The following CIZ1 variants were observed in gnomAD, a reference collection of about 807,000 sequenced individuals.
CIZ1 encodes cip1-interacting zinc finger protein.
A neutral mutation model predicts 118.6 loss-of-function variants in CIZ1; 58 were observed. The ratio of observed to expected loss-of-function variants is 0.49; its 90% CI spans 0.40 to 0.61. The LOEUF is 0.61. CIZ1 is among the 20% of genes least tolerant of loss of function. The pLI is 0.00. For synonymous variants in CIZ1, 448 were observed against 443.4 expected (o/e 1.01, Z -0.13); for missense variants, 921 against 1,115.9 (o/e 0.83, Z 2.49).
At position 128,166,965 on chromosome 9, in the gene CIZ1, A is replaced by C. The variant is rs536128667; in HGVS notation, c.2366-85T>G. 2.7e-4 allele frequency: 435 copies of C among 1,607,652 alleles called. 1 individual carries two copies. Among genetic ancestry groups the C allele is most frequent in the South Asian group, 6.0e-4 (54 of 90,638 alleles). On this transcript the variant is annotated intron_variant, in intron 15 of 16. Coordinates refer to ENST00000372938, the MANE Select transcript of CIZ1 (RefSeq NM_001131016.2). This position sits in a 1 kb window ranked among gnomAD's most constrained non-coding sequence, Gnocchi z 4.4. Reference sequence around the variant, plus strand: ...CTCTCTAGGGGCCCATGTGCTCCCCAACCCTCTAGGCAGGGGCAGAAGAGA... The same window carrying C: ...CTCTCTAGGGGCCCATGTGCTCCCCCACCCTCTAGGCAGGGGCAGAAGAGA...
At chr9:128,176,528 G>A (rs889928266) in intron 10 of CIZ1, 53 bp from the exon 11 acceptor site, 47 of 1,575,462 alleles carry the variant, frequency 3.0e-5, no homozygotes, top group Non-Finnish European at 4.0e-5. Context: ...CAGAACAGTG[G>A]GCAAGGCTGG....
At chr9:128,190,637 A>G (rs1237875747) in intron 2 of CIZ1, 51 bp downstream of exon 2, 3 of 1,531,910 alleles carry the variant, frequency 2.0e-6, no homozygotes, top group Non-Finnish European at 1.8e-6. Context: ...GCTCCGAGAC[A>G]TGGGTCTGAG....
chr9:128,192,811 G>C (rs1441381714), upstream of CIZ1, among the ~76,000 whole-genome samples: 1 of 152,216 alleles, frequency 6.6e-6, no homozygotes, highest in Admixed American at 6.5e-5. Context: ...CCAAAGTGCT[G>C]GGATTACAGG....
At chr9:128,180,856 C>G (rs751016093) in intron 5 of CIZ1, 42 bp from the exon 6 acceptor site, 3 of 1,402,454 alleles carry the variant, frequency 2.1e-6, no homozygotes, top group Non-Finnish European at 3.0e-6. Context: ...AATACCCACC[C>G]CTATCAATAC....
chr9:128,174,848 G>T (rs1034615141), intron 11 of CIZ1, among the ~76,000 whole-genome samples: 1 of 152,164 alleles, frequency 6.6e-6, no homozygotes, highest in Non-Finnish European at 1.5e-5. Context: ...AGTACAGAGG[G>T]GGTTTCACCA....
intron 5 of CIZ1, among the ~76,000 whole-genome samples, chr9:128,182,420 C>T (rs1045493756): frequency 3.9e-5 from 6 of 152,180 alleles, no homozygotes; most frequent in Admixed American, 6.5e-5. Context: ...GGATTACAGG[C>T]GTGAGCCACC....
chr9:128,178,638 C>T, intron 8 of CIZ1, 71 bp downstream of exon 8: 6 of 1,582,952 alleles, frequency 3.8e-6, no homozygotes, highest in Non-Finnish European at 5.2e-6. Context: ...AGCACCCAGT[C>T]AGGGGAGGAA....
intron 5 of CIZ1, among the ~76,000 whole-genome samples, chr9:128,184,060 A>AC (rs1832038174): frequency 6.6e-6 from 1 of 152,170 alleles, no homozygotes; most frequent in Admixed American, 6.5e-5. Context: ...GAGCCACTGC[A>AC]CCCAGCAATT....
chr9:128,198,699 G>T (rs557805842), intron 1 of CIZ1, among the ~76,000 whole-genome samples: 1 of 152,208 alleles, frequency 6.6e-6, no homozygotes, highest in South Asian at 2.1e-4. Context: ...AGGTGTGGTG[G>T]TGAGTGCCTG....
chr9:128,166,320 G>A lies in CIZ1; in HGVS notation c.2574C>T (p.Ala858=). The A allele has an allele frequency of 7.6e-6, 12 of 1,568,944 alleles. No individual in the cohort carries two copies. The highest frequency in any genetic ancestry group is 1.0e-5 in the Non-Finnish European group (12 of 1,156,426). Residue 858 remains alanine (A), a synonymous_variant, in exon 17 of 17, where the codon GCC becomes GCT. Transcript: ENST00000372938. This position sits in a 1 kb window ranked among gnomAD's most constrained non-coding sequence, Gnocchi z 4.4. ...CAINARNALT[A]LFTSSGRPPS... is the part of the protein sequence containing the mutation. The stretch of plus-strand genomic sequence containing the variant: ...GTGGGCGGCCGCTGGAGGTGAACAG[G>A]GCTGTCAAAGCGTTCCGGGCGTTGA...
intron 10 of CIZ1, among the ~76,000 whole-genome samples, chr9:128,177,365 G>C (rs958216997): frequency 3.9e-5 from 6 of 152,130 alleles, no homozygotes; most frequent in African/African-American, 1.2e-4. Context: ...CTCCAACCTG[G>C]GAGGCAGAGT....
Position 128,166,607 on chromosome 9 carries a change from A to C in CIZ1, c.2487+152T>G. The C allele has an allele frequency of 9.0e-7, 1 of 1,110,536 alleles. No homozygotes were observed. Among genetic ancestry groups the C allele is most frequent in the Non-Finnish European group, 1.3e-6 (1 of 765,014 alleles). 68.8% of individuals were successfully genotyped at this position (1,110,536 alleles called of 1,614,324 possible). A position where few individuals can be genotyped will look rare whatever the true frequency, so the allele number is the denominator to read the frequency against. ...CCTTGAACAATAAGAGCCCAACCCCACCCCAGCTCTAATTCTCTCCCTGTT... is the reference window on the plus strand; with the variant it reads ...CCTTGAACAATAAGAGCCCAACCCCCCCCCAGCTCTAATTCTCTCCCTGTT... On this transcript the variant is annotated intron_variant, in intron 16 of 16. Transcript: ENST00000372938. The surrounding 1 kb of genome is among the most constrained non-coding windows in gnomAD (Gnocchi z 4.4).
intron 1 of CIZ1, chr9:128,197,369 C>T (rs45484393): frequency 5.3e-5 from 8 of 152,372 alleles, no homozygotes; most frequent in African/African-American, 1.7e-4. Context: ...AAGGTGGGCA[C>T]CCCCAGCAGA....
rs1252200658 is a variant in CIZ1 at position 128,179,072 on chromosome 9, C to T, written c.1135G>A (p.Val379Ile). The change falls in exon 8 of 17, where the codon GTA becomes ATA. Residue 379 changes from valine (V) to isoleucine (I), a missense_variant. Transcript: ENST00000372938. Reference sequence around the variant, plus strand: ...CCCTGTGAATGTGCCTGTGGCTGTACCTGTGGCTGCACCTGCTTCTGTGGC... The same window carrying T: ...CCCTGTGAATGTGCCTGTGGCTGTATCTGTGGCTGCACCTGCTTCTGTGGC... Reference protein sequence around the residue: ...AEPQKQVQPQVQPQAHSQGPR... With the variant: ...AEPQKQVQPQIQPQAHSQGPR... 1.2e-6 allele frequency: 2 copies of T among 1,613,526 alleles called. No individual in the cohort carries two copies. The highest frequency in any genetic ancestry group is 2.2e-5 in the East Asian group (1 of 44,896).
rs748567612 is a variant in CIZ1 at position 128,178,965 on chromosome 9, C to T, written c.1242G>A (p.Gln414=). 1 of 1,613,166 alleles carries T rather than the reference C, an allele frequency of 6.2e-7. No individual in the cohort carries two copies. Residue 414 remains glutamine, a synonymous_variant, in exon 8 of 17, where the codon CAG becomes CAA. Transcript: ENST00000372938. The part of the protein sequence containing the change: ...QPQVQPQAHS[Q]PPRQVQLQLQ... ...GCTGCAGCTGCACCTGCCTTGGGGG[C>T]TGTGAATGTGCCTGGGGCTGCACCT...
At chr9:128,190,298 A>C in intron 3 of CIZ1, 31 bp downstream of exon 3, 1 of 1,486,190 alleles carries the variant, frequency 6.7e-7, no homozygotes, top group South Asian at 1.1e-5. Flanking sequence ...CCACTAAAAG[A>C]GACTGAGAAG....
chr9:128,184,830 G>C (rs192755041), intron 5 of CIZ1, among the ~76,000 whole-genome samples: 15 of 152,044 alleles, frequency 9.9e-5, no homozygotes, highest in Middle Eastern at 3.4e-3. Flanking sequence ...ACCATGCCCG[G>C]CTACTTTTTT....
Position 128,176,487 on chromosome 9 carries a change from G to A in CIZ1, c.1819-12C>T. 6.2e-7 allele frequency: 1 copy of A among 1,611,476 alleles called. No homozygotes were observed. Among genetic ancestry groups the A allele is most frequent in the African/African-American group, 1.3e-5 (1 of 75,062 alleles). ...TGGTCCTGGAACTCCTGCAGCAGGA[G>A]GGAAAGAGGGATGGGCCTGGGGCGT... On this transcript the variant is annotated splice_polypyrimidine_tract_variant and intron_variant, in intron 10 of 16. Coordinates refer to ENST00000372938, the MANE Select transcript of CIZ1 (RefSeq NM_001131016.2).
rs1434969848 is a variant in CIZ1 at position 128,176,434 on chromosome 9, C to T, written c.1860G>A (p.Arg620=). 1 of 1,613,916 alleles carries T rather than the reference C, an allele frequency of 6.2e-7. No individual in the cohort carries two copies. Among genetic ancestry groups the T allele is most frequent in the Non-Finnish European group, 8.5e-7 (1 of 1,179,992 alleles). Residue 620 remains arginine (R), a synonymous_variant, in exon 11 of 17, where the codon CGG becomes CGA. Transcript: ENST00000372938. The part of the protein sequence containing the change: ...DHMSEPQHQQ[R]LGEIQHMSQA... ...GGCTCATGTGCTGGATCTCCCCTAGCCGCTGCTGGTGCTGAGGCTCCGACA... is the reference window on the plus strand; with the variant it reads ...GGCTCATGTGCTGGATCTCCCCTAGTCGCTGCTGGTGCTGAGGCTCCGACA...
Sources: gnomAD v4.1 joint callset for allele counts (sites outside exome capture counted in the v4.1 genomes callset) on GRCh38, gnomAD v4.1.1 for gene constraint, Gnocchi (gnomAD v3.1) non-coding constraint, MANE v1.5 for transcripts, NCBI Gene and HGNC (gene_info 2026-07-23, HGNC 2026-07-21) for gene names.